PABPC4: variants seen among roughly 807,000 people sequenced by gnomAD.
PABPC4 encodes polyadenylate-binding protein 4.
In PABPC4, 15 loss-of-function variants were observed where a neutral mutation model predicts 74.5. The ratio of observed to expected loss-of-function variants is 0.20; its 90% confidence interval spans 0.13 to 0.31. The LOEUF (loss-of-function observed/expected upper bound fraction) is 0.31, where lower values mean the gene tolerates loss of function less well. Ranked by LOEUF, PABPC4 falls within the 10% of genes least tolerant of loss-of-function variation. The pLI, the probability that PABPC4 is intolerant of heterozygous loss-of-function variation, is 1.00. For missense variants in PABPC4, 610 were observed against 853.5 expected (o/e 0.71, Z 3.55); for synonymous variants, 345 against 303.0 (o/e 1.14, Z -1.44).
At chr1:39,565,818 A>G (rs1408489304) in intron 7 of PABPC4, among the ~76,000 whole-genome samples, 1 of 149,744 alleles carries the variant, frequency 6.7e-6, no homozygotes, top group Non-Finnish European at 1.5e-5. Context: ...ACAGAGCGAG[A>G]CTCCATCTCC....
chr1:39,573,755 G>A (rs962025899), intron 1 of PABPC4, among the ~76,000 whole-genome samples: 6 of 152,180 alleles, frequency 3.9e-5, no homozygotes, highest in Admixed American at 1.3e-4. Context: ...GGAGTCAGAG[G>A]TTGCAGTGAG....
intron 14 of PABPC4, 45 bp downstream of exon 14, chr1:39,562,028 T>TC (rs1645775662): frequency 1.9e-6 from 3 of 1,598,026 alleles, no homozygotes; most frequent in Non-Finnish European, 2.6e-6. Flanking sequence ...CCCCCAGTCT[T>TC]CCCAAGCTGA....
intron 12 of PABPC4, 49 bp downstream of exon 12, chr1:39,563,565 A>T: frequency 6.3e-7 from 1 of 1,587,694 alleles, no homozygotes; most frequent in Non-Finnish European, 8.6e-7. Context: ...TTTTACATCA[A>T]GTGGAAATGG....
At chr1:39,570,947 G>T in intron 3 of PABPC4, 1 of 879,458 alleles carries the variant, frequency 1.1e-6, no homozygotes, top group Non-Finnish European at 1.6e-6. Context: ...TGAGCTTAGA[G>T]CTGCTTTCCA....
At position 39,563,748 on chromosome 1, in the gene PABPC4, G is replaced by A; in HGVS notation, c.1541-7C>T. On this transcript the variant is annotated splice_region_variant and splice_polypyrimidine_tract_variant and intron_variant, in intron 11 of 15. Transcript: ENST00000372858. ...TGCACAGCTGTGGGAACGCCTTAGG[G>A]AAAGAACAAATACAATTAAAGCCCA... 2 of 1,614,014 alleles carry A rather than the reference G, an allele frequency of 1.2e-6. No individual in the cohort carries two copies. Among genetic ancestry groups the A allele is most frequent in the Non-Finnish European group, 1.7e-6 (2 of 1,179,894 alleles).
chr1:39,563,766 A>G, intron 11 of PABPC4, 25 bp from the exon 12 acceptor site: 1 of 1,613,792 alleles, frequency 6.2e-7, no homozygotes. Context: ...AAATACAATT[A>G]AAGCCCATCA....
chr1:39,576,172 A>C lies in PABPC4; in HGVS notation c.-221T>G. 1 of 471,306 alleles carries C rather than the reference A, an allele frequency of 2.1e-6. No individual in the cohort carries two copies. Among genetic ancestry groups the C allele is most frequent in the Non-Finnish European group, 3.7e-6 (1 of 266,874 alleles). 29.2% of individuals were successfully genotyped at this position (471,306 alleles called of 1,614,324 possible). ...GCACCGCAGACAAAAGGCTCTCCGC[A>C]CAATACGGCCCTCCCCGCGACTTTG... On this transcript the variant is annotated 5_prime_UTR_variant, in exon 1 of 16. Transcript: ENST00000372858.
chr1:39,576,600 G>T lies in PABPC4; in HGVS notation c.-649C>A, dbSNP rs1646030196. 6.7e-6 allele frequency: 1 copy of T among 149,548 alleles called. No homozygotes were observed. Among genetic ancestry groups the T allele is most frequent in the South Asian group, 1.9e-4 (1 of 5,134 alleles). 9.3% of individuals were successfully genotyped at this position (149,548 alleles called of 1,614,324 possible). A position where few individuals can be genotyped will look rare whatever the true frequency, so the allele number is the denominator to read the frequency against. On this transcript the variant is annotated 5_prime_UTR_variant, in exon 1 of 16. Coordinates refer to ENST00000372858, the MANE Select transcript of PABPC4 (RefSeq NM_001135653.2). ...GACGGACGCCAAGCGCTGCGGCGGCGGGCGCGGGGCAGGCCGGAAGCGTAC... is the reference window on the plus strand; with the variant it reads ...GACGGACGCCAAGCGCTGCGGCGGCTGGCGCGGGGCAGGCCGGAAGCGTAC...
At chr1:39,572,668 G>C in intron 1 of PABPC4, 82 bp from the exon 2 acceptor site, 1 of 1,044,374 alleles carries the variant, frequency 9.6e-7, no homozygotes, top group Non-Finnish European at 1.4e-6. Flanking sequence ...ATTACTCCAG[G>C]ACTTTTCAAG....
chr1:39,563,405 T>C, intron 12 of PABPC4: 1 of 575,082 alleles, frequency 1.7e-6, no homozygotes, highest in Non-Finnish European at 2.9e-6. Flanking sequence ...CTGAGGCATT[T>C]CTGAGTGAAC....
chr1:39,561,785 C>T lies in PABPC4; in HGVS notation c.1896G>A (p.Val632=). ...CCTGTAGAACTGCTACAGCTTCATC[C>T]ACCTGCGAGAAATCTTCAGGTGGTC... ...LESPESLRSK[V]DEAVAVLQAH... The change falls in exon 15 of 16, where the codon GTG becomes GTA. Residue 632 remains valine (V), a splice_region_variant and synonymous_variant. Coordinates refer to ENST00000372858, the MANE Select transcript of PABPC4 (RefSeq NM_001135653.2). The T allele has an allele frequency of 6.2e-7, 1 of 1,613,706 alleles. No homozygotes were observed. The highest frequency in any genetic ancestry group is 8.5e-7 in the Non-Finnish European group (1 of 1,179,670).
chr1:39,563,658 C>A lies in PABPC4; in HGVS notation c.1624G>T (p.Ala542Ser). 1 of 1,614,220 alleles carries A rather than the reference C, an allele frequency of 6.2e-7. No individual in the cohort carries two copies. Residue 542 changes from alanine (A) to serine (S), a missense_variant, in exon 12 of 16, where the codon GCC (alanine) becomes TCC (serine). By Grantham distance (99) the Ala-to-Ser change is moderately conservative. Transcript: ENST00000372858. ...APRAVAPYKY[A>S]SSVRSPHPAI... ...GGATGAGGGCTGCGGACACTGGAGG[C>A]GTATTTGTAGGGGGCAACAGCCCGG...
At chr1:39,575,156 C>T (rs1163692309) in intron 1 of PABPC4, among the ~76,000 whole-genome samples, 1 of 152,184 alleles carries the variant, frequency 6.6e-6, no homozygotes. Flanking sequence ...CTTCTCCACT[C>T]CAGTGGCAAA....
chr1:39,564,994 T>C, intron 8 of PABPC4, 112 bp downstream of exon 8: 6 of 1,181,104 alleles, frequency 5.1e-6, no homozygotes, highest in Non-Finnish European at 7.3e-6. Context: ...ACTTGAAGGG[T>C]CCTTATTGTG....
intron 10 of PABPC4, 187 bp from the exon 11 acceptor site, chr1:39,564,109 GT>G (rs1307682488): frequency 1.6e-6 from 1 of 622,794 alleles, no homozygotes; most frequent in African/African-American, 1.8e-5. Context: ...GACATATTCT[GT>G]ATACACTGTT....
intron 1 of PABPC4, 113 bp downstream of exon 1, chr1:39,575,646 C>T (rs1316543954): frequency 1.6e-5 from 13 of 806,556 alleles, no homozygotes; most frequent in African/African-American, 1.8e-5. Context: ...CTCCCAGCTT[C>T]GGTGGCAACA....
At chr1:39,568,632 T>C (rs1645889274) in intron 6 of PABPC4, 170 bp downstream of exon 6, 1 of 546,782 alleles carries the variant, frequency 1.8e-6, no homozygotes, top group South Asian at 3.4e-5. Context: ...GGTTCTATAA[T>C]AATCAGTCAT....
Position 39,568,943 on chromosome 1 carries a change from G to A in PABPC4, c.739-4C>T. The stretch of plus-strand genomic sequence containing the variant: ...TTCCATTCATCTCTTCCACAGCCTA[G>A]AGAGGAAAAATATGTCTTTAAAATA... On this transcript the variant is annotated splice_polypyrimidine_tract_variant and splice_region_variant and intron_variant, in intron 5 of 15. Coordinates refer to ENST00000372858, the MANE Select transcript of PABPC4 (RefSeq NM_001135653.2). The A allele has an allele frequency of 5.0e-6, 8 of 1,607,120 alleles. No individual in the cohort carries two copies. In the South Asian group the frequency reaches 5.6e-5, roughly 11 times the overall value.
At position 39,575,436 on chromosome 1, in the gene PABPC4, C is replaced by T. The variant is rs116807179; in HGVS notation, c.193+323G>A. 3.7e-3 allele frequency among the ~76,000 whole-genome samples: 563 copies of T among 152,290 alleles called. 5 individuals carry two copies. Among genetic ancestry groups the T allele is most frequent in the African/African-American group, 0.013 (547 of 41,548 alleles). ...GCACAAGCAAGGATCTCTAACAGCCCAGCCCCACTGACAAGGACCACACGC... is the reference window on the plus strand; with the variant it reads ...GCACAAGCAAGGATCTCTAACAGCCTAGCCCCACTGACAAGGACCACACGC... On this transcript the variant is annotated intron_variant, in intron 1 of 15. Coordinates refer to ENST00000372858, the MANE Select transcript of PABPC4 (RefSeq NM_001135653.2).
Sources: allele counts gnomAD v4.1 joint callset (sites outside exome capture counted in the v4.1 genomes callset), GRCh38; gene constraint gnomAD v4.1.1; transcripts MANE v1.5; gene names NCBI Gene and HGNC (gene_info 2026-07-23, HGNC 2026-07-21).